Variants in GRK5 observed in about 807,000 individuals in gnomAD.
GRK5 encodes the protein g protein-coupled receptor kinase GRK5.
Under a neutral mutation model 78.4 loss-of-function variants are expected in GRK5, and 40 were observed. The observed-to-expected ratio is 0.51, with a 90% CI of 0.40 to 0.66. GRK5 has a LOEUF of 0.66. GRK5 is among the 30% of genes least tolerant of loss of function. GRK5 has a pLI of 0.00. For synonymous variants in GRK5, 289 were observed against 296.8 expected (o/e 0.97, Z 0.27); for missense variants, 598 against 759.9 (o/e 0.79, Z 2.50).
At chr10:119,305,970 G>A (rs1850266368) in intron 1 of GRK5, among the ~76,000 whole-genome samples, 1 of 152,156 alleles carries the variant, frequency 6.6e-6, no homozygotes, top group Non-Finnish European at 1.5e-5. Context: ...CTGTACTTCC[G>A]GTATCTCTGC....
intron 4 of GRK5, among the ~76,000 whole-genome samples, chr10:119,401,999 T>C (rs539713712): frequency 6.6e-6 from 1 of 152,306 alleles, no homozygotes; most frequent in East Asian, 1.9e-4. Flanking sequence ...GCTGCTCCTG[T>C]GGCCCCACCA....
At chr10:119,447,117 G>A (rs534858668) in intron 12 of GRK5, among the ~76,000 whole-genome samples, 10 of 152,314 alleles carry the variant, frequency 6.6e-5, no homozygotes, top group Admixed American at 1.3e-4. Flanking sequence ...CCCTGTGGTC[G>A]TGTGGCTGGC....
Position 119,280,944 on chromosome 10 carries a change from T to C in GRK5, c.53-45572T>C, listed in dbSNP as rs183708570. ...ACAGGCGTGCGCCACCACGCCCAGCTAATTTTTGTATTTTTAGTAGAGACG... is the reference window on the plus strand; with the variant it reads ...ACAGGCGTGCGCCACCACGCCCAGCCAATTTTTGTATTTTTAGTAGAGACG... On this transcript the variant is annotated intron_variant, in intron 1 of 15. Transcript: ENST00000392870. 2.6e-5 allele frequency among the ~76,000 whole-genome samples: 4 copies of C among 152,178 alleles called. No individual in the cohort carries two copies. In the East Asian group the frequency reaches 7.7e-4, roughly 29 times the overall value.
intron 3 of GRK5, among the ~76,000 whole-genome samples, chr10:119,392,162 G>T (rs1171482670): frequency 6.6e-6 from 1 of 152,180 alleles, no homozygotes; most frequent in Non-Finnish European, 1.5e-5. Context: ...AAGTATTAGG[G>T]CTATAAACTA....
chr10:119,409,105 G>A (rs546787291), intron 4 of GRK5, among the ~76,000 whole-genome samples: 4 of 152,322 alleles, frequency 2.6e-5, no homozygotes, highest in South Asian at 2.1e-4. Context: ...AGCGCCCTCC[G>A]GGGCCCAGCC....
chr10:119,251,937 C>A (rs1163729489), intron 1 of GRK5, among the ~76,000 whole-genome samples: 1 of 152,194 alleles, frequency 6.6e-6, no homozygotes, highest in Non-Finnish European at 1.5e-5. Context: ...CATATCCAAT[C>A]CTCAGCCCTT....
chr10:119,284,392 C>T (rs764529015), intron 1 of GRK5, among the ~76,000 whole-genome samples: 20 of 152,098 alleles, frequency 1.3e-4, no homozygotes, highest in Non-Finnish European at 2.6e-4. Context: ...CTCACCTTGA[C>T]CTCCCAAAGT....
intron 3 of GRK5, among the ~76,000 whole-genome samples, chr10:119,386,957 G>C (rs377198125): frequency 6.6e-6 from 1 of 151,710 alleles, no homozygotes; most frequent in Admixed American, 6.6e-5. Flanking sequence ...ACCTGTCCTC[G>C]TTGGACTCTG....
intron 2 of GRK5, among the ~76,000 whole-genome samples, chr10:119,348,214 G>A (rs751352792): frequency 1.3e-5 from 2 of 152,156 alleles, no homozygotes; most frequent in African/African-American, 2.4e-5. Flanking sequence ...AAACTGCTGG[G>A]AAGCCCATAG....
chr10:119,426,156 C>G (rs1042575346), intron 6 of GRK5, among the ~76,000 whole-genome samples: 1 of 152,238 alleles, frequency 6.6e-6, no homozygotes, highest in Non-Finnish European at 1.5e-5. Context: ...GGCTGTGTCC[C>G]CCGTAGACAC....
chr10:119,295,529 G>A lies in GRK5; in HGVS notation c.53-30987G>A, dbSNP rs1850064692. Among the ~76,000 whole-genome samples the A allele has an allele frequency of 2.6e-5, 4 of 152,210 alleles. No individual in the cohort carries two copies. In the South Asian group the frequency reaches 8.3e-4, roughly 32 times the overall value. ...AGATAGTTGCACACGCATATTTATA[G>A]CAGCAAAATCATGGAACCATCCCAA... On this transcript the variant is annotated intron_variant, in intron 1 of 15. Transcript: ENST00000392870.
intron 1 of GRK5, among the ~76,000 whole-genome samples, chr10:119,245,846 T>C (rs907253223): frequency 6.6e-5 from 10 of 150,840 alleles, no homozygotes; most frequent in African/African-American, 2.4e-4. Flanking sequence ...TGAAACCCCG[T>C]CTCTACTAAA....
intron 1 of GRK5, among the ~76,000 whole-genome samples, chr10:119,249,874 T>C (rs1041389970): frequency 2.0e-5 from 3 of 152,258 alleles, no homozygotes; most frequent in African/African-American, 7.2e-5. Context: ...CATAACTCTT[T>C]GTGCACGTGT....
chr10:119,207,890 C>A lies in GRK5; in HGVS notation c.-28C>A, dbSNP rs1017557633. Reference sequence around the variant, plus strand: ...CCCAGGCGCTGACAGCCCCGCCGGCCGGCTCCGTTGCTGACCGCCGACTGT... The same window carrying A: ...CCCAGGCGCTGACAGCCCCGCCGGCAGGCTCCGTTGCTGACCGCCGACTGT... On this transcript the variant is annotated 5_prime_UTR_variant, in exon 1 of 16. Coordinates refer to ENST00000392870, the MANE Select transcript of GRK5 (RefSeq NM_005308.3). The A allele has an allele frequency of 1.3e-6, 2 of 1,585,960 alleles. No homozygotes were observed. The highest frequency in any genetic ancestry group is 1.7e-6 in the Non-Finnish European group (2 of 1,168,462).
At chr10:119,263,650 G>A (rs183287331) in intron 1 of GRK5, among the ~76,000 whole-genome samples, 6 of 152,232 alleles carry the variant, frequency 3.9e-5, no homozygotes, top group East Asian at 1.9e-4. Context: ...GAGGCCAGGC[G>A]CAGTGGCTCA....
At chr10:119,448,361 A>G (rs1853202583) in intron 13 of GRK5, 101 bp downstream of exon 13, 1 of 1,342,642 alleles carries the variant, frequency 7.4e-7, no homozygotes, top group Non-Finnish European at 1.0e-6. Context: ...TGTGGGGCAC[A>G]TCGTGTCTTT....
intron 4 of GRK5, among the ~76,000 whole-genome samples, chr10:119,417,687 C>T (rs1431047337): frequency 3.3e-5 from 5 of 152,112 alleles, no homozygotes; most frequent in South Asian, 2.1e-4. Context: ...ATGAGAGAGG[C>T]GACCTACGCG....
chr10:119,264,669 G>A lies in GRK5; in HGVS notation c.52+56700G>A, dbSNP rs958261808. ...GACAGGGGTTCACGTTCTGTGCTTC[G>A]TGAGATCTGAGTCCTGTGTGGGTAG... On this transcript the variant is annotated intron_variant, in intron 1 of 15. Coordinates refer to ENST00000392870, the MANE Select transcript of GRK5 (RefSeq NM_005308.3). The surrounding 1 kb of genome is among the most constrained non-coding windows in gnomAD (Gnocchi z 4.1). Among the ~76,000 whole-genome samples, 4 of 152,246 alleles carry A rather than the reference G, an allele frequency of 2.6e-5. No homozygotes were observed. The highest frequency in any genetic ancestry group is 4.8e-5 in the African/African-American group (2 of 41,532).
At chr10:119,357,998 A>G (rs1161056269) in intron 2 of GRK5, among the ~76,000 whole-genome samples, 1 of 151,856 alleles carries the variant, frequency 6.6e-6, no homozygotes, top group Non-Finnish European at 1.5e-5. Flanking sequence ...CATCAATCAC[A>G]CCCAAAGGGG....
Sources: gnomAD v4.1 joint callset for allele counts (sites outside exome capture counted in the v4.1 genomes callset) on GRCh38, gnomAD v4.1.1 for gene constraint, Gnocchi (gnomAD v3.1) non-coding constraint, MANE v1.5 for transcripts, NCBI Gene and HGNC (gene_info 2026-07-23, HGNC 2026-07-21) for gene names.